MAML1: variants seen among roughly 807,000 people sequenced by gnomAD.
The protein encoded by MAML1 is mastermind like transcriptional coactivator 1, also known as mastermind-like protein 1.
Under a neutral mutation model 77.1 loss-of-function variants are expected in MAML1, and 14 were observed. That is an observed-to-expected ratio of 0.18 (90% confidence interval 0.12 to 0.28). MAML1 has a LOEUF of 0.28. Ranked by LOEUF, MAML1 falls within the 10% of genes least tolerant of loss-of-function variation. The pLI is 1.00. For missense variants in MAML1, 1,217 were observed against 1,327.8 expected (o/e 0.92, Z 1.30); for synonymous variants, 516 against 551.9 (o/e 0.93, Z 0.91).
intron 1 of MAML1, among the ~76,000 whole-genome samples, chr5:179,736,759 C>A (rs551634525): frequency 6.6e-6 from 1 of 151,546 alleles, no homozygotes; most frequent in African/African-American, 2.4e-5. Flanking sequence ...GTCAGGAGTT[C>A]GAGACCAGCC....
At chr5:179,733,449 G>A in intron 1 of MAML1, 22 bp downstream of exon 1, 1 of 1,089,410 alleles carries the variant, frequency 9.2e-7, no homozygotes, top group Non-Finnish European at 1.1e-6. Context: ...GCGGGAAGGC[G>A]CTTGTCGTGG....
intron 1 of MAML1, among the ~76,000 whole-genome samples, chr5:179,749,795 C>G (rs2113350070): frequency 6.7e-6 from 1 of 148,278 alleles, no homozygotes; most frequent in Non-Finnish European, 1.5e-5. Flanking sequence ...AGCAGTGCAA[C>G]CCACCGAGAG....
At chr5:179,764,672 AAGTG>A (rs1171805708) in intron 1 of MAML1, among the ~76,000 whole-genome samples, 1 of 146,480 alleles carries the variant, frequency 6.8e-6, no homozygotes, top group Non-Finnish European at 1.5e-5. Context: ...AAAAAAAAAA[AAGTG>A]AGGGGCTGGG....
At chr5:179,757,659 T>C (rs1030942751) in intron 1 of MAML1, among the ~76,000 whole-genome samples, 1 of 152,206 alleles carries the variant, frequency 6.6e-6, no homozygotes, top group Admixed American at 6.5e-5. Context: ...AAATGGGTTA[T>C]GTCTTAACGT....
In MAML1 at chr5:179,766,530, G is replaced by A; in HGVS notation, c.1520G>A (p.Gly507Glu). 6.2e-7 allele frequency: 1 copy of A among 1,603,726 alleles called. No homozygotes were observed. Among genetic ancestry groups the A allele is most frequent in the Non-Finnish European group, 8.5e-7 (1 of 1,174,810 alleles). Residue 507 changes from glycine (G) to glutamate (E), a missense_variant, in exon 2 of 5, where the codon GGG becomes GAG. Around this residue, in one of 3 missense-constraint regions of MAML1, gnomAD observed 884 missense variants for 949.3 expected, o/e 0.93. Coordinates refer to ENST00000292599, the MANE Select transcript of MAML1 (RefSeq NM_014757.5). This position sits in a 1 kb window ranked among gnomAD's most constrained non-coding sequence, Gnocchi z 4.0. Reference protein sequence around the residue: ...NLNQNSANNQGSVLDYGNTKP... With the variant: ...NLNQNSANNQESVLDYGNTKP... ...AATCAGAACTCCGCGAATAACCAGG[G>A]GTCTGTGCTGGACTACGGCAATACA...
Position 179,775,129 on chromosome 5 carries a change from G to T in MAML1, c.*252G>T, listed in dbSNP as rs936854255. ...CCTGGTGTTGGGACAGCAGGATAGG[G>T]TTCTAAAGGTGGTTTTCTATCCAAA... On this transcript the variant is annotated 3_prime_UTR_variant, in exon 5 of 5. Transcript: ENST00000292599. The T allele has an allele frequency of 8.1e-7, 1 of 1,232,570 alleles. No individual in the cohort carries two copies. Among genetic ancestry groups the T allele is most frequent in the Non-Finnish European group, 1.0e-6 (1 of 984,260 alleles). The allele number at this position is 1,232,570 out of a possible 1,614,324, so 76.4% of individuals were successfully genotyped here.
In MAML1 at chr5:179,765,983, A is replaced by T; in HGVS notation, c.973A>T (p.Thr325Ser). Residue 325 changes from threonine (T) to serine (S), a missense_variant, in exon 2 of 5, where the codon ACC (threonine) becomes TCC (serine). By Grantham distance (58) the Thr-to-Ser change is moderately conservative. Coordinates refer to ENST00000292599, the MANE Select transcript of MAML1 (RefSeq NM_014757.5). Reference protein sequence around the residue: ...PQVRAGSAGQTFLGPSSAPVS... With the variant: ...PQVRAGSAGQSFLGPSSAPVS... ...AGTGAGGGCCGGGTCTGCAGGGCAG[A>T]CCTTTCTGGGGCCTTCCTCTGCCCC... 6.2e-7 allele frequency: 1 copy of T among 1,611,572 alleles called. No homozygotes were observed. The highest frequency in any genetic ancestry group is 1.1e-5 in the South Asian group (1 of 90,810).
intron 2 of MAML1, among the ~76,000 whole-genome samples, chr5:179,768,649 A>G (rs1458115150): frequency 1.3e-5 from 2 of 152,216 alleles, no homozygotes; most frequent in African/African-American, 4.8e-5. Context: ...CCTATGGAGT[A>G]ATTGTTCGTT....
Position 179,738,159 on chromosome 5 carries a change from G to A in MAML1, c.315+4732G>A, listed in dbSNP as rs150689020. Among the ~76,000 whole-genome samples the A allele has an allele frequency of 1.2e-3, 179 of 152,200 alleles. 2 individuals carry two copies. Among genetic ancestry groups the A allele is most frequent in the Admixed American group, 4.4e-3 (67 of 15,288 alleles). ...TTACCTAGATTTACCTGTTGTCACT[G>A]TTGTGCCCCATTTGTTATCATTTGC... is the stretch of plus-strand genomic sequence containing the variant. On this transcript the variant is annotated intron_variant, in intron 1 of 4. Transcript: ENST00000292599.
intron 1 of MAML1, among the ~76,000 whole-genome samples, chr5:179,745,865 A>AG (rs1340393052): frequency 2.9e-5 from 4 of 136,684 alleles, no homozygotes; most frequent in African/African-American, 1.3e-4. Flanking sequence ...GTCTCAAAAA[A>AG]AAAAAAAAAA....
At position 179,775,430 on chromosome 5, in the gene MAML1, G is replaced by A; in HGVS notation, c.*553G>A. 1.0e-6 allele frequency: 1 copy of A among 985,440 alleles called. No homozygotes were observed. 61.0% of individuals were successfully genotyped at this position (985,440 alleles called of 1,614,324 possible). ...ACCTAGGGTTTCCTTTTGATTAAGA[G>A]CCTTTTTTGTTTCTGCTCTTTGTCA... On this transcript the variant is annotated 3_prime_UTR_variant, in exon 5 of 5. Transcript: ENST00000292599.
Position 179,775,736 on chromosome 5 carries a change from T to G in MAML1, c.*859T>G. Reference sequence around the variant, plus strand: ...CCTTCTGCAGTTTTCTCTGAACATGTATGTTGCCCATGGTGGGAGCGTGGT... The same window carrying G: ...CCTTCTGCAGTTTTCTCTGAACATGGATGTTGCCCATGGTGGGAGCGTGGT... On this transcript the variant is annotated 3_prime_UTR_variant, in exon 5 of 5. Coordinates refer to ENST00000292599, the MANE Select transcript of MAML1 (RefSeq NM_014757.5). The G allele has an allele frequency of 1.0e-6, 1 of 985,508 alleles. No individual in the cohort carries two copies. The highest frequency in any genetic ancestry group is 1.2e-6 in the Non-Finnish European group (1 of 829,966). 61.0% of individuals were successfully genotyped at this position (985,508 alleles called of 1,614,324 possible).
At chr5:179,754,269 G>A (rs1055875897) in intron 1 of MAML1, among the ~76,000 whole-genome samples, 6 of 151,920 alleles carry the variant, frequency 3.9e-5, no homozygotes, top group Middle Eastern at 3.4e-3. Flanking sequence ...GTAACAGAGC[G>A]AGACGCTGTC....
intron 1 of MAML1, among the ~76,000 whole-genome samples, chr5:179,735,113 A>C (rs1031502364): frequency 1.3e-5 from 2 of 152,236 alleles, no homozygotes; most frequent in Non-Finnish European, 2.9e-5. Context: ...AGCATGGCAC[A>C]TGTATACGTA....
chr5:179,736,121 GTTGAA>G (rs1304337927), intron 1 of MAML1, among the ~76,000 whole-genome samples: 1 of 152,188 alleles, frequency 6.6e-6, no homozygotes, highest in Non-Finnish European at 1.5e-5. Context: ...GTGCCTGTTT[GTTGAA>G]TTATTGATAG....
chr5:179,773,125 C>T (rs1037185304), intron 4 of MAML1, among the ~76,000 whole-genome samples: 4 of 152,150 alleles, frequency 2.6e-5, no homozygotes, highest in Non-Finnish European at 4.4e-5. Context: ...CCTCGTGATT[C>T]GCCCGCCTCG....
intron 1 of MAML1, among the ~76,000 whole-genome samples, chr5:179,752,409 AAAT>A (rs893369580): frequency 2.0e-5 from 3 of 147,158 alleles, no homozygotes; most frequent in African/African-American, 7.4e-5. Flanking sequence ...TTTTCTCAAA[AAAT>A]ACTGATTATA....
At chr5:179,749,559 C>T (rs929854803) in intron 1 of MAML1, among the ~76,000 whole-genome samples, 2 of 152,002 alleles carry the variant, frequency 1.3e-5, no homozygotes, top group Admixed American at 6.6e-5. Flanking sequence ...CTGTGCCTGG[C>T]CGAAAAAGGT....
chr5:179,770,774 G>C (rs1755970365), intron 3 of MAML1, among the ~76,000 whole-genome samples: 1 of 152,132 alleles, frequency 6.6e-6, no homozygotes, highest in African/African-American at 2.4e-5. Context: ...TTTCCCACAG[G>C]CTGTCTCATT....
Sources: gnomAD v4.1 joint callset for allele counts (sites outside exome capture counted in the v4.1 genomes callset) on GRCh38, gnomAD v4.1.1 for gene constraint, gnomAD v4.1.1 regional missense constraint, Gnocchi (gnomAD v3.1) non-coding constraint, MANE v1.5 for transcripts, NCBI Gene and HGNC (gene_info 2026-07-23, HGNC 2026-07-21) for gene names.